The following EML5 variants were observed in gnomAD, a reference collection of about 807,000 sequenced individuals.
EML5 encodes the protein EMAP like 5.
Under a neutral mutation model 250.0 loss-of-function variants are expected in EML5, and 120 were observed. The observed-to-expected ratio is 0.48, with a 90% confidence interval of 0.41 to 0.56. The LOEUF is 0.56. EML5 is among the 20% of genes least tolerant of loss of function. EML5 has a pLI of 0.00. For synonymous variants in EML5, 771 were observed against 806.5 expected, an observed-to-expected ratio of 0.96 and a Z score of 0.75; for missense variants, 2,006 against 2,437.6, an observed-to-expected ratio of 0.82 and a Z score of 3.73.
intron 1 of EML5, among the ~76,000 whole-genome samples, chr14:88,769,921 C>A (rs1407045231): frequency 6.6e-6 from 1 of 151,466 alleles, no homozygotes; most frequent in African/African-American, 2.4e-5. Context: ...AATTGGTAGC[C>A]CTGTGGAGGA....
At chr14:88,745,385 A>C (rs542445799) in intron 3 of EML5, among the ~76,000 whole-genome samples, 1 of 152,246 alleles carries the variant, frequency 6.6e-6, no homozygotes, top group South Asian at 2.1e-4. Context: ...CACTTTTAGG[A>C]GTTTACAACT....
intron 21 of EML5, among the ~76,000 whole-genome samples, chr14:88,677,042 C>T (rs1222075098): frequency 2.0e-5 from 3 of 152,146 alleles, no homozygotes; most frequent in African/African-American, 7.2e-5. Flanking sequence ...GTAGCTAGGA[C>T]TACAGGCACA....
intron 19 of EML5, among the ~76,000 whole-genome samples, chr14:88,686,648 C>G (rs922288987): frequency 1.3e-5 from 2 of 151,986 alleles, no homozygotes; most frequent in African/African-American, 4.8e-5. Context: ...CCTGGCTGCA[C>G]AAAAATTTGA....
Position 88,702,457 on chromosome 14 carries a change from C to T in EML5, c.2227G>A (p.Ala743Thr). ...LTIHPLKDYVATGQVGRDPSI... is the reference protein window; with the variant it reads ...LTIHPLKDYVTTGQVGRDPSI... The stretch of plus-strand genomic sequence containing the variant: ...TCTTTCAAACCTACCTGGCCTGTTG[C>T]CACGTAGTCTTTCAAAGGATGAATA... The change falls in exon 14 of 44, where the codon GCA becomes ACA. Residue 743 changes from alanine (A) to threonine (T), a missense_variant. Coordinates refer to ENST00000554922, the MANE Select transcript of EML5 (RefSeq NM_183387.3). 4 of 1,610,062 alleles carry T rather than the reference C, an allele frequency of 2.5e-6. No individual in the cohort carries two copies. The highest frequency in any genetic ancestry group is 2.2e-5 in the East Asian group (1 of 44,718).
In EML5 at chr14:88,731,476, C is replaced by A. The variant is rs2093757540; in HGVS notation, c.1050-4798G>T. Among the ~76,000 whole-genome samples, 3 of 152,230 alleles carry A rather than the reference C, an allele frequency of 2.0e-5. 1 individual carries two copies. The South Asian group carries it at 6.2e-4, about 32-fold the overall frequency. Reference sequence around the variant, plus strand: ...CTTAATCCAGTCTATCACTGATGGACATTTGGGTTGGTTCCAAGTCTTTGC... The same window carrying A: ...CTTAATCCAGTCTATCACTGATGGAAATTTGGGTTGGTTCCAAGTCTTTGC... On this transcript the variant is annotated intron_variant, in intron 7 of 43. Coordinates refer to ENST00000554922, the MANE Select transcript of EML5 (RefSeq NM_183387.3).
intron 21 of EML5, among the ~76,000 whole-genome samples, chr14:88,676,400 C>T (rs1387524327): frequency 6.6e-6 from 1 of 152,156 alleles, no homozygotes; most frequent in African/African-American, 2.4e-5. Flanking sequence ...ATGCCAGACA[C>T]ATGAAACCAT....
In EML5 at chr14:88,789,069, TA is replaced by T. The variant is rs879877223; in HGVS notation, c.197+3237del. Among the ~76,000 whole-genome samples, 938 of 136,972 alleles carry T rather than the reference TA, an allele frequency of 6.8e-3. 1 individual carries two copies. The highest frequency in any genetic ancestry group is 8.3e-3 in the African/African-American group (311 of 37,268). The allele number at this position is 136,972 out of a possible 152,430, so 89.9% of individuals were successfully genotyped here. Reference sequence around the variant, plus strand: ...CGCAGAGCAAGGGCCTGTCTCAGTTTAAAAAAAAAAAAAAGCTATCGCATTC... The same window carrying T: ...CGCAGAGCAAGGGCCTGTCTCAGTTTAAAAAAAAAAAAAGCTATCGCATTC... On this transcript the variant is annotated intron_variant, in intron 1 of 43. Coordinates refer to ENST00000554922, the MANE Select transcript of EML5 (RefSeq NM_183387.3).
intron 31 of EML5, among the ~76,000 whole-genome samples, chr14:88,640,181 G>C (rs774958360): frequency 1.3e-5 from 2 of 152,132 alleles, no homozygotes; most frequent in Non-Finnish European, 2.9e-5. Context: ...AGAAATTCTG[G>C]ACTTGAATTC....
intron 1 of EML5, among the ~76,000 whole-genome samples, chr14:88,786,231 T>G (rs150045109): frequency 2.6e-5 from 4 of 152,228 alleles, no homozygotes; most frequent in Admixed American, 1.3e-4. Flanking sequence ...CTCTTCCCAA[T>G]AGTTTCTATC....
intron 3 of EML5, among the ~76,000 whole-genome samples, chr14:88,745,167 TTGTGTGTGTGTG>T (rs1555370057): frequency 6.9e-6 from 1 of 145,190 alleles, no homozygotes; most frequent in South Asian, 2.2e-4. Context: ...AATTGTGTGT[TTGTGTGTGTGTG>T]TGTGTGTGTG....
intron 19 of EML5, among the ~76,000 whole-genome samples, chr14:88,685,641 G>C (rs151207257): frequency 1.8e-4 from 27 of 151,980 alleles, no homozygotes; most frequent in African/African-American, 6.5e-4. Flanking sequence ...AGTAGGGTGG[G>C]GTTGTGCCAT....
intron 30 of EML5, among the ~76,000 whole-genome samples, chr14:88,643,303 C>T (rs778039798): frequency 5.3e-5 from 8 of 152,060 alleles, no homozygotes; most frequent in Non-Finnish European, 1.2e-4. Flanking sequence ...CTTAAGATTT[C>T]ACATGTAAAC....
At chr14:88,732,544 T>C (rs145319628) in intron 7 of EML5, among the ~76,000 whole-genome samples, 82 of 152,320 alleles carry the variant, frequency 5.4e-4, no homozygotes, top group African/African-American at 1.9e-3. Flanking sequence ...GTCTTGGCAA[T>C]GTGGGCCCTT....
intron 20 of EML5, among the ~76,000 whole-genome samples, chr14:88,684,103 C>T (rs114434862): frequency 0.01 from 1,555 of 151,024 alleles, 31 homozygotes; most frequent in African/African-American, 0.034. Context: ...TAAATGAGGA[C>T]GGCAAGTTTA....
At chr14:88,759,378 C>T (rs994343756) in intron 1 of EML5, among the ~76,000 whole-genome samples, 1 of 151,974 alleles carries the variant, frequency 6.6e-6, no homozygotes, top group African/African-American at 2.4e-5. Flanking sequence ...AGGGAAATTT[C>T]CCCAAGCTTG....
chr14:88,687,421 A>C, intron 18 of EML5, 94 bp from the exon 19 acceptor site: 4 of 862,510 alleles, frequency 4.6e-6, no homozygotes, highest in Non-Finnish European at 7.0e-6. Context: ...AGAAAAAAGA[A>C]CATAGTCAAA....
chr14:88,764,496 T>C (rs1216696990), intron 1 of EML5, among the ~76,000 whole-genome samples: 2 of 152,212 alleles, frequency 1.3e-5, no homozygotes, highest in Non-Finnish European at 2.9e-5. Context: ...TCTTTTTTAT[T>C]CTTGGTCAGC....
intron 17 of EML5, among the ~76,000 whole-genome samples, chr14:88,690,424 T>C (rs1350243387): frequency 1.3e-5 from 2 of 152,174 alleles, no homozygotes; most frequent in Admixed American, 6.5e-5. Context: ...AGTGATATCA[T>C]AGAAGATGAC....
chr14:88,788,283 T>C (rs1241134558), intron 1 of EML5, among the ~76,000 whole-genome samples: 1 of 152,208 alleles, frequency 6.6e-6, no homozygotes, highest in Non-Finnish European at 1.5e-5. Context: ...CCATAAATAC[T>C]GAGCTGTCAA....
Sources: gnomAD v4.1 joint callset for allele counts (sites outside exome capture counted in the v4.1 genomes callset) on GRCh38, gnomAD v4.1.1 for gene constraint, MANE v1.5 for transcripts, NCBI Gene and HGNC (gene_info 2026-07-23, HGNC 2026-07-21) for gene names.